SMURF1: variants seen among roughly 807,000 people sequenced by gnomAD.
The protein encoded by SMURF1 is SMAD specific E3 ubiquitin protein ligase 1, also known as E3 ubiquitin-protein ligase SMURF1.
A neutral mutation model predicts 98.0 loss-of-function variants in SMURF1; 44 were observed. That is an observed-to-expected ratio of 0.45 (90% CI 0.35 to 0.58). The LOEUF (loss-of-function observed/expected upper bound fraction) is 0.58. Among genes scored for constraint, SMURF1 ranks in the 20% least tolerant of loss-of-function variants. The pLI, the probability that SMURF1 is intolerant of heterozygous loss-of-function variation, is 0.00. For synonymous variants in SMURF1, 396 were observed against 374.9 expected (o/e 1.06, Z -0.65); for missense variants, 687 against 938.4 (o/e 0.73, Z 3.50).
At chr7:99,063,049 C>T (rs145633115) in intron 1 of SMURF1, among the ~76,000 whole-genome samples, 1 of 151,270 alleles carries the variant, frequency 6.6e-6, no homozygotes, top group African/African-American at 2.4e-5. Context: ...AAATTGTCCT[C>T]AATTTTAAGA....
intron 1 of SMURF1, chr7:99,121,050 A>G (rs991723128): frequency 1.7e-4 from 26 of 152,240 alleles, no homozygotes; most frequent in African/African-American, 5.5e-4. Flanking sequence ...GATGTCTGTA[A>G]CGATAAAATC....
chr7:99,074,557 C>T (rs746313287), intron 1 of SMURF1, among the ~76,000 whole-genome samples: 6 of 151,522 alleles, frequency 4.0e-5, no homozygotes, highest in South Asian at 2.1e-4. Flanking sequence ...TGGCCTCAAA[C>T]GGAGCAGAAA....
intron 1 of SMURF1, among the ~76,000 whole-genome samples, chr7:99,135,115 T>G (rs1385326627): frequency 5.3e-5 from 8 of 152,324 alleles, no homozygotes; most frequent in Admixed American, 3.9e-4. Context: ...TAAAATACAT[T>G]CGGCACAATC....
At chr7:99,070,987 T>C (rs1226381359) in intron 1 of SMURF1, among the ~76,000 whole-genome samples, 1 of 152,056 alleles carries the variant, frequency 6.6e-6, no homozygotes, top group Non-Finnish European at 1.5e-5. Flanking sequence ...AGAAGTATTA[T>C]TATAATGAGG....
intron 1 of SMURF1, among the ~76,000 whole-genome samples, chr7:99,140,760 T>C (rs997444349): frequency 6.6e-6 from 1 of 152,110 alleles, no homozygotes; most frequent in Middle Eastern, 3.4e-3. Flanking sequence ...GTCTATTCAT[T>C]GACTGGTTGA....
intron 13 of SMURF1, among the ~76,000 whole-genome samples, chr7:99,039,377 A>C (rs1379521871): frequency 6.6e-6 from 1 of 151,486 alleles, no homozygotes; most frequent in Non-Finnish European, 1.5e-5. Flanking sequence ...ACAGAGACTC[A>C]CTCTGTCATC....
intron 1 of SMURF1, among the ~76,000 whole-genome samples, chr7:99,137,432 C>T (rs931258356): frequency 1.3e-5 from 2 of 152,184 alleles, no homozygotes; most frequent in African/African-American, 4.8e-5. Context: ...ACCTTCTGAT[C>T]CCCAGTCCAG....
intron 11 of SMURF1, among the ~76,000 whole-genome samples, chr7:99,042,864 G>A (rs1002459203): frequency 6.6e-5 from 10 of 152,184 alleles, no homozygotes; most frequent in African/African-American, 1.9e-4. Flanking sequence ...AAATGAGAGC[G>A]AATAGGGAAG....
chr7:99,115,882 T>A (rs113401875), intron 1 of SMURF1, among the ~76,000 whole-genome samples: 4 of 151,138 alleles, frequency 2.6e-5, no homozygotes, highest in African/African-American at 7.4e-5. Flanking sequence ...TTTTTTTTTT[T>A]AAATTAACAA....
At chr7:99,113,837 T>TAAAAAAA (rs71118659) in intron 1 of SMURF1, among the ~76,000 whole-genome samples, 7 of 33,974 alleles carry the variant, frequency 2.1e-4, no homozygotes, top group African/African-American at 1.0e-3. Context: ...AGACTCCGTC[T>TAAAAAAA]AAAAAAAAAA....
At chr7:99,033,635 A>AG (rs747778050) in intron 16 of SMURF1, among the ~76,000 whole-genome samples, 4 of 152,200 alleles carry the variant, frequency 2.6e-5, no homozygotes, top group Non-Finnish European at 4.4e-5. Flanking sequence ...AGAATATCGC[A>AG]GGGGGCAGAG....
rs1406086729 is a variant in SMURF1 at position 99,057,431 on chromosome 7, T to C, written c.324A>G (p.Leu108=). The change falls in exon 4 of 18, where the codon TTA becomes TTG. Residue 108 remains leucine (L), a synonymous_variant. Coordinates refer to ENST00000361368, the MANE Select transcript of SMURF1 (RefSeq NM_181349.3). ...TTTGGTTCTTACATCCGGTATCTTT[T>C]AATCTGCTGATGGCATTGGAGAGCA... ...VRLLSNAISR[L]KDTGYQRLDL... is the part of the protein sequence containing the mutation. 6 of 1,611,192 alleles carry C rather than the reference T, an allele frequency of 3.7e-6. No homozygotes were observed. Among genetic ancestry groups the C allele is most frequent in the Non-Finnish European group, 5.1e-6 (6 of 1,179,402 alleles).
intron 1 of SMURF1, among the ~76,000 whole-genome samples, chr7:99,063,300 TATATAA>T (rs1345560006): frequency 0.1 from 3,042 of 29,440 alleles, 415 homozygotes; most frequent in Middle Eastern, 0.28. Flanking sequence ...TATATATATA[TATATAA>T]AAAGAGACAG....
chr7:99,049,528 A>G, intron 9 of SMURF1, 35 bp downstream of exon 9: 1 of 1,602,172 alleles, frequency 6.2e-7, no homozygotes, highest in East Asian at 2.2e-5. Flanking sequence ...ATTACCAATG[A>G]AAGAGGTCAG....
At chr7:99,131,557 A>G (rs972899452) in intron 1 of SMURF1, among the ~76,000 whole-genome samples, 2 of 152,160 alleles carry the variant, frequency 1.3e-5, no homozygotes, top group African/African-American at 4.8e-5. Flanking sequence ...AAGCCTGGGC[A>G]ATATAGTGAG....
At chr7:99,050,383 T>C (rs1375122198) in intron 8 of SMURF1, 1 of 153,102 alleles carries the variant, frequency 6.5e-6, no homozygotes, top group Non-Finnish European at 1.5e-5. Flanking sequence ...GAAGGGTTTC[T>C]TCATTGGAAA....
intron 1 of SMURF1, among the ~76,000 whole-genome samples, chr7:99,137,688 T>C (rs1223995079): frequency 6.6e-6 from 1 of 152,236 alleles, no homozygotes; most frequent in Non-Finnish European, 1.5e-5. Context: ...TTAGAATTCC[T>C]TTCAGCTGCA....
intron 6 of SMURF1, 38 bp downstream of exon 6, chr7:99,054,752 A>G (rs1383232445): frequency 1.3e-6 from 2 of 1,586,600 alleles, no homozygotes; most frequent in African/African-American, 1.3e-5. Flanking sequence ...TTAAGGCAGC[A>G]GAGAACTCAG....
In SMURF1 at chr7:99,035,551, T is replaced by A. The variant is rs1795103113; in HGVS notation, c.1975A>T (p.Thr659Ser). ...TTGAAGCCTTGGAGCGGGACTCGCG[T>A]GGACCCAGTCACAAACTGCAGGAGC... ...ARLLQFVTGSTRVPLQGFKAL... is the reference protein window; with the variant it reads ...ARLLQFVTGSSRVPLQGFKAL... Residue 659 changes from threonine (T) to serine (S), a missense_variant, in exon 16 of 18, where the codon ACG (threonine) becomes TCG (serine). Transcript: ENST00000361368. 1.2e-6 allele frequency: 2 copies of A among 1,614,116 alleles called. No individual in the cohort carries two copies. The highest frequency in any genetic ancestry group is 2.7e-5 in the African/African-American group (2 of 74,944).
Sources: allele counts gnomAD v4.1 joint callset (sites outside exome capture counted in the v4.1 genomes callset), GRCh38; gene constraint gnomAD v4.1.1; transcripts MANE v1.5; gene names NCBI Gene and HGNC (gene_info 2026-07-23, HGNC 2026-07-21).